The following RBFOX1 variants were observed in gnomAD, a reference collection of about 807,000 sequenced individuals.
RBFOX1 encodes RNA binding fox-1 homolog 1.
Under a neutral mutation model 57.7 loss-of-function variants are expected in RBFOX1, and 8 were observed. The observed-to-expected ratio is 0.14, with a 90% CI of 0.08 to 0.25. RBFOX1 has a LOEUF of 0.25. RBFOX1 is among the 10% of genes least tolerant of loss of function. The pLI is 1.00. For synonymous variants in RBFOX1, 326 were observed against 222.4 expected (o/e 1.47, Z -4.15); for missense variants, 611 against 548.5 (o/e 1.11, Z -1.14).
chr16:5,866,458 G>T lies in RBFOX1; in HGVS notation c.319-845G>T, dbSNP rs543567838. On this transcript the variant is annotated intron_variant, in intron 3 of 19. Transcript: ENST00000641259. ...AGATAGGACAATATGGCTGAGGTTG[G>T]CCAAGTCATCCAGGTATAAGAGAAG... 2.0e-5 allele frequency among the ~76,000 whole-genome samples: 3 copies of T among 152,314 alleles called. No individual in the cohort carries two copies. In the South Asian group the frequency reaches 6.2e-4, roughly 32 times the overall value.
At chr16:6,534,316 G>C (rs2096705871) in intron 2 of RBFOX1, among the ~76,000 whole-genome samples, 1 of 152,032 alleles carries the variant, frequency 6.6e-6, no homozygotes, top group South Asian at 2.1e-4. Flanking sequence ...AGCAAGAGAA[G>C]TTATCCACCA....
chr16:6,066,660 G>C (rs2095767694), intron 1 of RBFOX1, among the ~76,000 whole-genome samples: 2 of 152,090 alleles, frequency 1.3e-5, no homozygotes, highest in African/African-American at 4.8e-5. Flanking sequence ...GAGCAGAAAG[G>C]GCAGGTGGAA....
chr16:5,489,979 G>A (rs549864900), intron 2 of RBFOX1, among the ~76,000 whole-genome samples: 1 of 152,228 alleles, frequency 6.6e-6, no homozygotes, highest in Non-Finnish European at 1.5e-5. Flanking sequence ...GGCCTGGCCT[G>A]TTATTTTCAC....
chr16:6,750,245 A>G (rs1264891463), intron 3 of RBFOX1, among the ~76,000 whole-genome samples: 2 of 152,180 alleles, frequency 1.3e-5, no homozygotes, highest in East Asian at 3.9e-4. Flanking sequence ...GTTAAAGGTA[A>G]ATTCATCAAT....
intron 3 of RBFOX1, among the ~76,000 whole-genome samples, chr16:5,654,760 CCCTTCCT>C (rs1392245842): frequency 1.3e-5 from 2 of 152,258 alleles, no homozygotes; most frequent in East Asian, 3.9e-4. Context: ...GTTCTCCTTT[CCCTTCCT>C]CCTTCCTCCT....
At chr16:6,432,809 C>T (rs1366186964) in intron 2 of RBFOX1, among the ~76,000 whole-genome samples, 1 of 151,800 alleles carries the variant, frequency 6.6e-6, no homozygotes. Flanking sequence ...GAAACCCCAT[C>T]TCTAATAAAA....
intron 3 of RBFOX1, among the ~76,000 whole-genome samples, chr16:6,824,124 G>A (rs1161139599): frequency 6.6e-6 from 1 of 152,220 alleles, no homozygotes; most frequent in African/African-American, 2.4e-5. Context: ...TAGTTATTTG[G>A]CTAGGCGCTG....
intron 4 of RBFOX1, among the ~76,000 whole-genome samples, chr16:7,079,233 C>G (rs1043441543): frequency 6.6e-5 from 10 of 152,154 alleles, no homozygotes; most frequent in African/African-American, 2.2e-4. Context: ...TGGCCAAACC[C>G]AGTTTTACTT....
chr16:6,452,022 C>G (rs952626291), intron 2 of RBFOX1, among the ~76,000 whole-genome samples: 5 of 151,646 alleles, frequency 3.3e-5, no homozygotes, highest in Admixed American at 6.6e-5. Context: ...TTCCATGACT[C>G]CATCCATGGC....
chr16:6,469,464 T>C (rs1192554273), intron 2 of RBFOX1, among the ~76,000 whole-genome samples: 1 of 152,158 alleles, frequency 6.6e-6, no homozygotes, highest in Non-Finnish European at 1.5e-5. Flanking sequence ...AGATGAGGAA[T>C]TGGCGTGATT....
At chr16:6,978,204 T>C (rs2153583227) in intron 3 of RBFOX1, among the ~76,000 whole-genome samples, 1 of 152,320 alleles carries the variant, frequency 6.6e-6, no homozygotes, top group Non-Finnish European at 1.5e-5. Flanking sequence ...GGGCCCTCGG[T>C]TGCAGTTCGA....
At chr16:6,537,962 C>T (rs1194351353) in intron 2 of RBFOX1, among the ~76,000 whole-genome samples, 2 of 151,512 alleles carry the variant, frequency 1.3e-5, no homozygotes, top group African/African-American at 4.8e-5. Context: ...ATCCTAGGAA[C>T]TCTACAGTGA....
At chr16:5,973,315 G>T (rs908838872) in intron 4 of RBFOX1, among the ~76,000 whole-genome samples, 1 of 152,144 alleles carries the variant, frequency 6.6e-6, no homozygotes, top group African/African-American at 2.4e-5. Context: ...GGAGCAATTA[G>T]ATCTATATCA....
At chr16:6,861,682 T>C (rs2059027475) in intron 3 of RBFOX1, among the ~76,000 whole-genome samples, 1 of 152,064 alleles carries the variant, frequency 6.6e-6, no homozygotes, top group South Asian at 2.1e-4. Flanking sequence ...TTTCACTGTG[T>C]ATAATGAGGT....
intron 4 of RBFOX1, among the ~76,000 whole-genome samples, chr16:7,408,512 C>T (rs958029604): frequency 1.3e-5 from 2 of 152,120 alleles, no homozygotes; most frequent in African/African-American, 2.4e-5. Flanking sequence ...AGCTAATTCC[C>T]GACACTTTTC....
intron 1 of RBFOX1, among the ~76,000 whole-genome samples, chr16:6,149,180 G>C (rs949420112): frequency 2.0e-5 from 3 of 152,238 alleles, no homozygotes; most frequent in African/African-American, 7.2e-5. Flanking sequence ...AATTTTTGGA[G>C]TAAAATCAAT....
At chr16:6,485,000 A>G (rs1455883778) in intron 2 of RBFOX1, among the ~76,000 whole-genome samples, 2 of 152,284 alleles carry the variant, frequency 1.3e-5, no homozygotes, top group Middle Eastern at 3.4e-3. Context: ...TGTGTTCCCT[A>G]TTTTTTGATT....
chr16:5,730,919 C>G (rs372799328), intron 3 of RBFOX1, among the ~76,000 whole-genome samples: 24 of 152,206 alleles, frequency 1.6e-4, no homozygotes, highest in African/African-American at 5.5e-4. Context: ...TCTCCACTGC[C>G]ATTGTCACTG....
intron 2 of RBFOX1, among the ~76,000 whole-genome samples, chr16:6,343,616 A>G (rs2152831274): frequency 6.6e-6 from 1 of 152,356 alleles, no homozygotes; most frequent in Admixed American, 6.5e-5. Context: ...CAAATAAGGT[A>G]TTCATGTTTC....
Sources: gnomAD v4.1 joint callset for allele counts (sites outside exome capture counted in the v4.1 genomes callset) on GRCh38, gnomAD v4.1.1 for gene constraint, MANE v1.5 for transcripts, NCBI Gene and HGNC (gene_info 2026-07-23, HGNC 2026-07-21) for gene names.